Variants in CC2D2B observed in about 807,000 individuals in gnomAD.
CC2D2B encodes the protein coiled-coil and C2 domain containing 2B.
Under a neutral mutation model 161.2 loss-of-function variants are expected in CC2D2B, and 128 were observed. The observed-to-expected ratio is 0.79, with a 90% CI of 0.69 to 0.92. The LOEUF (loss-of-function observed/expected upper bound fraction) is 0.92. Ranked by LOEUF, CC2D2B falls within the 40% of genes least tolerant of loss-of-function variation. The pLI is 0.00. For missense variants in CC2D2B, 1,173 were observed against 1,375.1 expected, an observed-to-expected ratio of 0.85 and a Z score of 2.32; for synonymous variants, 391 against 449.8, an observed-to-expected ratio of 0.87 and a Z score of 1.65.
At chr10:96,022,957 T>C (rs536040595) in intron 32 of CC2D2B, among the ~76,000 whole-genome samples, 7 of 152,170 alleles carry the variant, frequency 4.6e-5, no homozygotes, top group Admixed American at 4.6e-4. Context: ...AAGTCAGGAA[T>C]GAGAATGGTC....
intron 6 of CC2D2B, among the ~76,000 whole-genome samples, chr10:95,932,520 G>C (rs1037549924): frequency 3.3e-5 from 5 of 152,128 alleles, no homozygotes; most frequent in Non-Finnish European, 7.4e-5. Context: ...GCTGATGCTG[G>C]TTTTTCCTTT....
chr10:95,930,978 A>G (rs910253402), intron 6 of CC2D2B, among the ~76,000 whole-genome samples: 5 of 152,218 alleles, frequency 3.3e-5, no homozygotes, highest in African/African-American at 9.6e-5. Context: ...TCCTCTTTGT[A>G]TCTCTGGTAG....
intron 18 of CC2D2B, among the ~76,000 whole-genome samples, chr10:95,982,835 G>C (rs952346499): frequency 1.3e-5 from 2 of 151,994 alleles, no homozygotes; most frequent in African/African-American, 4.8e-5. Context: ...ACAGTGGTGC[G>C]ATCTCGGGTC....
intron 17 of CC2D2B, among the ~76,000 whole-genome samples, chr10:95,975,401 C>T (rs10509697): frequency 6.6e-6 from 1 of 151,692 alleles, no homozygotes; most frequent in African/African-American, 2.4e-5. Context: ...TTGGTATGGA[C>T]GAAACTGACA....
chr10:95,997,762 A>G (rs748536900), intron 24 of CC2D2B, among the ~76,000 whole-genome samples: 1 of 152,164 alleles, frequency 6.6e-6, no homozygotes, highest in Non-Finnish European at 1.5e-5. Context: ...GGGTCTGATA[A>G]TTCCATCTTT....
chr10:95,968,181 G>T (rs2077008694), intron 14 of CC2D2B, among the ~76,000 whole-genome samples: 1 of 152,180 alleles, frequency 6.6e-6, no homozygotes, highest in South Asian at 2.1e-4. Flanking sequence ...CTGGAGAAAA[G>T]GGGTACACAG....
In CC2D2B at chr10:96,032,052, G is replaced by A; in HGVS notation, c.*44G>A. On this transcript the variant is annotated 3_prime_UTR_variant, in exon 35 of 35. Coordinates refer to ENST00000646931, the MANE Select transcript of CC2D2B (RefSeq NM_001349008.3). ...TAAAAGATTGTACTATAGTCCTCTA[G>A]TACCAACAAAAACTTTTCTGGTACC... is the stretch of plus-strand genomic sequence containing the variant. 2.7e-6 allele frequency: 4 copies of A among 1,473,358 alleles called. No homozygotes were observed. The highest frequency in any genetic ancestry group is 3.7e-6 in the Non-Finnish European group (4 of 1,079,734). 91.3% of individuals were successfully genotyped at this position (1,473,358 alleles called of 1,614,324 possible). A position where few individuals can be genotyped will look rare whatever the true frequency, so the allele number is the denominator to read the frequency against.
At chr10:95,920,645 C>G (rs1246700628) in intron 2 of CC2D2B, 1 of 152,048 alleles carries the variant, frequency 6.6e-6, no homozygotes, top group Non-Finnish European at 1.5e-5. Flanking sequence ...TGGAAATATA[C>G]TGGGTCACAC....
chr10:95,966,165 CAT>C (rs1193065810), intron 13 of CC2D2B, 23 bp from the exon 14 acceptor site: 10 of 924,274 alleles, frequency 1.1e-5, no homozygotes, highest in Non-Finnish European at 1.3e-5. Flanking sequence ...CATGGCAAAT[CAT>C]ATATTTATTT....
At chr10:95,930,320 A>G (rs1362266150) in intron 6 of CC2D2B, among the ~76,000 whole-genome samples, 1 of 152,252 alleles carries the variant, frequency 6.6e-6, no homozygotes, top group Admixed American at 6.5e-5. Context: ...TTTTCTAAAT[A>G]TGCAATCATG....
intron 29 of CC2D2B, among the ~76,000 whole-genome samples, chr10:96,014,565 C>T (rs750574378): frequency 6.6e-6 from 1 of 152,084 alleles, no homozygotes; most frequent in Non-Finnish European, 1.5e-5. Context: ...TGGAGTAAAA[C>T]AAACAAACAA....
Position 96,012,665 on chromosome 10 carries a change from T to C in CC2D2B, c.3362T>C (p.Ile1121Thr). ...ATACAGTTCTTAGTCACAAGATATA[T>C]CAAGGCATTAAATCCACCTCAGCAA... Reference protein sequence around the residue: ...EGIQFLVTRYIKALNPPQQLL... With the variant: ...EGIQFLVTRYTKALNPPQQLL... The change falls in exon 28 of 35, where the codon ATC (isoleucine) becomes ACC (threonine). Residue 1121 changes from isoleucine (I) to threonine (T), a missense_variant. By Grantham distance (89) the Ile-to-Thr change is moderately conservative. Around this residue, in one of 3 missense-constraint regions of CC2D2B, gnomAD observed 598 missense variants for 693.2 expected, o/e 0.86. Coordinates refer to ENST00000646931, the MANE Select transcript of CC2D2B (RefSeq NM_001349008.3). 2 of 1,611,238 alleles carry C rather than the reference T, an allele frequency of 1.2e-6. No individual in the cohort carries two copies. Among genetic ancestry groups the C allele is most frequent in the Non-Finnish European group, 1.7e-6 (2 of 1,177,496 alleles).
At chr10:96,003,564 G>A (rs1291474971) in intron 24 of CC2D2B, among the ~76,000 whole-genome samples, 6 of 149,942 alleles carry the variant, frequency 4.0e-5, no homozygotes, top group African/African-American at 1.5e-4. Context: ...GATTACAACC[G>A]CCTGCCACCA....
chr10:96,027,431 T>G, intron 34 of CC2D2B, 42 bp downstream of exon 34: 2 of 1,388,548 alleles, frequency 1.4e-6, no homozygotes, highest in South Asian at 1.4e-5. Context: ...TTGTTTTATA[T>G]ATGTTGTTAA....
chr10:95,972,603 C>A (rs1353633014), intron 16 of CC2D2B, among the ~76,000 whole-genome samples: 1 of 152,172 alleles, frequency 6.6e-6, no homozygotes, highest in Non-Finnish European at 1.5e-5. Flanking sequence ...CGTGAGCCAC[C>A]GCACCTGGCC....
At position 95,961,816 on chromosome 10, in the gene CC2D2B, A is replaced by G. The variant is rs544148991; in HGVS notation, c.1110-13A>G. The G allele has an allele frequency of 3.2e-6, 4 of 1,231,214 alleles. No individual in the cohort carries two copies. The African/African-American group carries it at 6.2e-5, about 19-fold the overall frequency. The allele number at this position is 1,231,214 out of a possible 1,614,324, so 76.3% of individuals were successfully genotyped here. ...TCCACTGACAAATTTTTGCTCTGCC[A>G]TTTTTGTTGTAGTAATACAAAACAG... On this transcript the variant is annotated splice_polypyrimidine_tract_variant and intron_variant, in intron 11 of 34. Transcript: ENST00000646931.
chr10:95,996,717 T>G (rs2078242906), intron 24 of CC2D2B, among the ~76,000 whole-genome samples: 1 of 152,244 alleles, frequency 6.6e-6, no homozygotes, highest in African/African-American at 2.4e-5. Context: ...ATTTGTTTAT[T>G]CTTCTGTAAT....
chr10:95,955,732 G>A (rs149662646), intron 11 of CC2D2B, among the ~76,000 whole-genome samples: 2,833 of 152,242 alleles, frequency 0.019, 35 homozygotes, highest in Middle Eastern at 0.054. Context: ...GAAGAACTAT[G>A]AGTTCATGAG....
chr10:95,955,884 G>T (rs1438616170), intron 11 of CC2D2B, among the ~76,000 whole-genome samples: 3 of 152,134 alleles, frequency 2.0e-5, no homozygotes, highest in Non-Finnish European at 4.4e-5. Flanking sequence ...AAGGACCCCT[G>T]TAAAAAGCAT....
Sources: gnomAD v4.1 joint callset for allele counts (sites outside exome capture counted in the v4.1 genomes callset) on GRCh38, gnomAD v4.1.1 for gene constraint, gnomAD v4.1.1 regional missense constraint, MANE v1.5 for transcripts, NCBI Gene and HGNC (gene_info 2026-07-23, HGNC 2026-07-21) for gene names.